The following SEMA6D variants were observed in gnomAD, a reference collection of about 807,000 sequenced individuals.
SEMA6D encodes the protein semaphorin 6D, also known as semaphorin-6D.
Under a neutral mutation model 106.6 loss-of-function variants are expected in SEMA6D, and 35 were observed. The observed-to-expected ratio is 0.33, with a 90% CI of 0.25 to 0.44. The LOEUF (loss-of-function observed/expected upper bound fraction) is 0.44, where lower values mean the gene tolerates loss of function less well. SEMA6D is among the 20% of genes least tolerant of loss of function. SEMA6D has a pLI of 1.00. For synonymous variants in SEMA6D, 499 were observed against 487.7 expected (o/e 1.02, Z -0.31); for missense variants, 1,185 against 1,345.9 (o/e 0.88, Z 1.87).
intron 1 of SEMA6D, among the ~76,000 whole-genome samples, chr15:47,365,626 C>T (rs191025444): frequency 4.6e-5 from 7 of 151,592 alleles, no homozygotes; most frequent in Admixed American, 3.3e-4. Flanking sequence ...TTTGAGAGGC[C>T]GAGGTGGGTG....
chr15:47,330,456 G>C (rs2037299586), intron 1 of SEMA6D, among the ~76,000 whole-genome samples: 1 of 152,170 alleles, frequency 6.6e-6, no homozygotes, highest in Non-Finnish European at 1.5e-5. Context: ...TGGCTGAGGA[G>C]GCAGGCACTA....
chr15:47,746,982 G>GTATATATATATATATATATATATATA (rs1208849790), intron 1 of SEMA6D, among the ~76,000 whole-genome samples: 2 of 89,828 alleles, frequency 2.2e-5, no homozygotes, highest in Non-Finnish European at 4.7e-5. Flanking sequence ...GTGTGTGTGT[G>GTATATATATATATATATATATATATA]TGTATATATA....
At chr15:47,482,459 C>A (rs7165627) in intron 3 of SEMA6D, among the ~76,000 whole-genome samples, 1 of 152,056 alleles carries the variant, frequency 6.6e-6, no homozygotes, top group Non-Finnish European at 1.5e-5. Flanking sequence ...TCTGGGTACC[C>A]TTTACTGATC....
chr15:47,330,547 C>T (rs530368089), intron 1 of SEMA6D, among the ~76,000 whole-genome samples: 11 of 152,124 alleles, frequency 7.2e-5, no homozygotes, highest in Non-Finnish European at 1.5e-4. Flanking sequence ...GTGAGGGAGC[C>T]ATAGTTCATG....
At chr15:47,453,379 A>T (rs1376855073) in intron 2 of SEMA6D, among the ~76,000 whole-genome samples, 1 of 152,022 alleles carries the variant, frequency 6.6e-6, no homozygotes, top group South Asian at 2.1e-4. Flanking sequence ...TAAATCAACA[A>T]TGCTAAACCT....
intron 4 of SEMA6D, among the ~76,000 whole-genome samples, chr15:47,625,036 C>G (rs191137005): frequency 6.6e-6 from 1 of 152,078 alleles, no homozygotes; most frequent in Non-Finnish European, 1.5e-5. Context: ...TTTTACAATA[C>G]GTTACAGGTT....
rs1044582324 is a variant in SEMA6D, at chr15:47,254,048, T to A, written c.-239+69630T>A. Among the ~76,000 whole-genome samples, 8 of 152,078 alleles carry A rather than the reference T, an allele frequency of 5.3e-5. 1 individual carries two copies. Among genetic ancestry groups the A allele is most frequent in the Admixed American group, 1.3e-4 (2 of 15,268 alleles). On this transcript the variant is annotated intron_variant, in intron 1 of 19. Coordinates refer to the SEMA6D transcript ENST00000558014. ...TTCTTCCTTCAGTGTTTAATAGTCT[T>A]CATTGTAGAGATCTTTCACCTCCGT...
chr15:47,694,407 A>C (rs2078656365), intron 4 of SEMA6D, among the ~76,000 whole-genome samples: 2 of 151,956 alleles, frequency 1.3e-5, no homozygotes, highest in African/African-American at 4.8e-5. Context: ...GTCTTTAAGC[A>C]CCCCAATTTG....
chr15:47,625,877 C>A (rs1228885874), intron 4 of SEMA6D, among the ~76,000 whole-genome samples: 1 of 152,048 alleles, frequency 6.6e-6, no homozygotes, highest in African/African-American at 2.4e-5. Context: ...TCACTATTTT[C>A]TTCCTGTATT....
At chr15:47,372,495 T>TA (rs2039309443) in intron 1 of SEMA6D, among the ~76,000 whole-genome samples, 1 of 152,204 alleles carries the variant, frequency 6.6e-6, no homozygotes, top group Non-Finnish European at 1.5e-5. Flanking sequence ...AGCCTCAAAA[T>TA]ACGCACAACC....
chr15:47,422,171 C>CGCCTGCCT (rs1555436678), intron 2 of SEMA6D, among the ~76,000 whole-genome samples: 4 of 124,170 alleles, frequency 3.2e-5, no homozygotes, highest in African/African-American at 8.7e-5. Flanking sequence ...TTTGCCCGCC[C>CGCCTGCCT]GCCTGCCTGC....
intron 1 of SEMA6D, among the ~76,000 whole-genome samples, chr15:47,326,094 G>C (rs1381342912): frequency 1.3e-5 from 2 of 152,076 alleles, no homozygotes; most frequent in Non-Finnish European, 2.9e-5. Context: ...TCCCTAAGCT[G>C]TACTGCATTG....
intron 1 of SEMA6D, among the ~76,000 whole-genome samples, chr15:47,313,962 T>C (rs2036540912): frequency 6.6e-6 from 1 of 152,170 alleles, no homozygotes; most frequent in South Asian, 2.1e-4. Flanking sequence ...TAGCAAGAAA[T>C]GTGATTGCTG....
chr15:47,384,754 A>G (rs1191104455), intron 1 of SEMA6D, among the ~76,000 whole-genome samples: 1 of 149,446 alleles, frequency 6.7e-6, no homozygotes, highest in Non-Finnish European at 1.5e-5. Flanking sequence ...AAAACCATAT[A>G]GAGGAGTGTG....
At chr15:47,601,807 G>A (rs2076665244) in intron 4 of SEMA6D, among the ~76,000 whole-genome samples, 1 of 151,948 alleles carries the variant, frequency 6.6e-6, no homozygotes, top group Non-Finnish European at 1.5e-5. Flanking sequence ...ATTAACTATG[G>A]GTCCATCTAC....
At chr15:47,340,970 C>G (rs1414662320) in intron 1 of SEMA6D, among the ~76,000 whole-genome samples, 2 of 152,166 alleles carry the variant, frequency 1.3e-5, no homozygotes, top group Admixed American at 6.5e-5. Context: ...TTAACCCACT[C>G]TGAATCTTAA....
At chr15:47,385,942 C>G (rs1046024884) in intron 1 of SEMA6D, among the ~76,000 whole-genome samples, 2 of 152,160 alleles carry the variant, frequency 1.3e-5, no homozygotes, top group Admixed American at 1.3e-4. Flanking sequence ...AGTTTTAACA[C>G]TAACTAGTTG....
chr15:47,386,262 TGG>T lies in SEMA6D; in HGVS notation c.-238-26127_-238-26126del, dbSNP rs528572511. Among the ~76,000 whole-genome samples the T allele has an allele frequency of 5.9e-5, 9 of 151,994 alleles. No individual in the cohort carries two copies. The East Asian group carries it at 1.7e-3, about 29-fold the overall frequency. ...AGAGGTAACAGGAAAAGCTTCCAAC[TGG>T]GGGTAGGGACTTGGGGGAATCAATT... On this transcript the variant is annotated intron_variant, in intron 1 of 19. Transcript: ENST00000558014.
intron 1 of SEMA6D, among the ~76,000 whole-genome samples, chr15:47,403,778 G>T (rs547358549): frequency 6.6e-6 from 1 of 152,222 alleles, no homozygotes; most frequent in African/African-American, 2.4e-5. Flanking sequence ...CAGAGCGGCC[G>T]GTGTGGGAGA....
Sources: gnomAD v4.1 joint callset for allele counts (sites outside exome capture counted in the v4.1 genomes callset) on GRCh38, gnomAD v4.1.1 for gene constraint, MANE v1.5 for transcripts, NCBI Gene and HGNC (gene_info 2026-07-23, HGNC 2026-07-21) for gene names.